MALRD1: variants seen among roughly 807,000 people sequenced by gnomAD.
MALRD1 encodes the protein MAM and LDL receptor class A domain containing 1.
MALRD1 carries 247 observed loss-of-function variants against 242.1 expected under a neutral mutation model. That is an observed-to-expected ratio of 1.02 (90% confidence interval 0.92 to 1.13). MALRD1 has a LOEUF of 1.13. Among genes scored for constraint, MALRD1 ranks in the 50% most tolerant of loss-of-function variants. The probability of loss-of-function intolerance (pLI) is 0.00; values close to 1 mark genes in which losing one functional copy is unlikely to be tolerated. For synonymous variants in MALRD1, 995 were observed against 866.6 expected (o/e 1.15, Z -2.60); for missense variants, 2,989 against 2,533.1 (o/e 1.18, Z -3.86).
intron 2 of MALRD1, among the ~76,000 whole-genome samples, chr10:19,076,983 T>A (rs1306604545): frequency 6.6e-6 from 1 of 151,950 alleles, no homozygotes; most frequent in Non-Finnish European, 1.5e-5. Flanking sequence ...ATTGTATTTT[T>A]AAATTTTTAT....
intron 21 of MALRD1, among the ~76,000 whole-genome samples, chr10:19,298,695 A>G (rs1478227595): frequency 6.7e-6 from 1 of 149,092 alleles, no homozygotes; most frequent in African/African-American, 2.5e-5. Flanking sequence ...GCGGAGAGGT[A>G]CTCAGCACCT....
chr10:19,567,691 T>A lies in MALRD1; in HGVS notation c.5668T>A (p.Cys1890Ser), dbSNP rs757142139. The change falls in exon 33 of 40, where the codon TGT (cysteine) becomes AGT (serine). Residue 1890 changes from cysteine to serine, a missense_variant. Cys to Ser is a moderately radical substitution (Grantham distance 112, BLOSUM62 -1). Transcript: ENST00000454679. The stretch of plus-strand genomic sequence containing the variant: ...TGATGACATCTCTTTTACCCCAGAG[T>A]GTGTGACTGGAGGTAAGTGATTCTT... ...ALDDISFTPE[C>S]VTGGPVPVQP... is the part of the protein sequence containing the mutation. 57 of 1,550,160 alleles carry A rather than the reference T, an allele frequency of 3.7e-5. 1 individual carries two copies. In the South Asian group the frequency reaches 6.8e-4, roughly 18 times the overall value.
intron 24 of MALRD1, among the ~76,000 whole-genome samples, chr10:19,333,931 C>G (rs916672982): frequency 1.3e-5 from 2 of 151,408 alleles, no homozygotes; most frequent in African/African-American, 4.9e-5. Flanking sequence ...TGTTTGTTGC[C>G]CCTTGTTTGT....
intron 28 of MALRD1, among the ~76,000 whole-genome samples, chr10:19,433,104 A>G (rs546062893): frequency 1.4e-3 from 215 of 152,274 alleles, no homozygotes; most frequent in African/African-American, 5.0e-3. Context: ...GCCTATCATT[A>G]TATTATTTTT....
chr10:19,397,522 A>G (rs910159578), intron 28 of MALRD1, among the ~76,000 whole-genome samples: 1 of 152,092 alleles, frequency 6.6e-6, no homozygotes, highest in Admixed American at 6.6e-5. Context: ...TATCTTGGCT[A>G]TTGTGAATAG....
chr10:19,645,761 G>A (rs1840627655), intron 36 of MALRD1, among the ~76,000 whole-genome samples: 1 of 152,080 alleles, frequency 6.6e-6, no homozygotes, highest in Non-Finnish European at 1.5e-5. Flanking sequence ...ATAGCATTTG[G>A]AGATATACCT....
intron 26 of MALRD1, among the ~76,000 whole-genome samples, chr10:19,371,597 G>A (rs2130749026): frequency 6.6e-6 from 1 of 151,806 alleles, no homozygotes; most frequent in South Asian, 2.1e-4. Context: ...AACCCTACTT[G>A]GTCAGAATCT....
intron 18 of MALRD1, among the ~76,000 whole-genome samples, chr10:19,245,390 T>C (rs568003440): frequency 6.6e-6 from 1 of 152,262 alleles, no homozygotes; most frequent in Non-Finnish European, 1.5e-5. Flanking sequence ...AGGGAAAACA[T>C]AGCAAAAATT....
At chr10:19,121,169 T>A (rs1041851591) in intron 5 of MALRD1, among the ~76,000 whole-genome samples, 2 of 151,180 alleles carry the variant, frequency 1.3e-5, no homozygotes, top group Non-Finnish European at 2.9e-5. Context: ...TCAGATTTCC[T>A]GGCTGGGATT....
intron 28 of MALRD1, among the ~76,000 whole-genome samples, chr10:19,423,010 T>C (rs1346972119): frequency 6.6e-6 from 1 of 152,188 alleles, no homozygotes; most frequent in Non-Finnish European, 1.5e-5. Flanking sequence ...CTTGCAGTGC[T>C]CACCATAGAT....
At chr10:19,513,371 C>G (rs555180701) in intron 31 of MALRD1, among the ~76,000 whole-genome samples, 112 of 152,086 alleles carry the variant, frequency 7.4e-4, no homozygotes, top group African/African-American at 2.7e-3. Flanking sequence ...AGAAGCCAAG[C>G]AGATACTGGT....
chr10:19,276,717 G>A (rs974943005), intron 19 of MALRD1, among the ~76,000 whole-genome samples: 2 of 152,008 alleles, frequency 1.3e-5, no homozygotes, highest in Non-Finnish European at 2.9e-5. Context: ...TCTATGGAAG[G>A]TAATAACTTT....
intron 36 of MALRD1, among the ~76,000 whole-genome samples, chr10:19,651,382 C>G (rs1414952968): frequency 1.3e-5 from 2 of 151,968 alleles, no homozygotes; most frequent in African/African-American, 4.8e-5. Flanking sequence ...AACTATGTGT[C>G]TTTAGAAAAC....
intron 18 of MALRD1, among the ~76,000 whole-genome samples, chr10:19,232,769 C>T (rs566363427): frequency 3.3e-5 from 5 of 152,146 alleles, no homozygotes; most frequent in African/African-American, 9.6e-5. Context: ...AGATGAATTT[C>T]GGTGAATACA....
chr10:19,701,600 A>G (rs528586858), intron 38 of MALRD1, among the ~76,000 whole-genome samples: 29 of 152,216 alleles, frequency 1.9e-4, no homozygotes, highest in African/African-American at 7.0e-4. Context: ...AAAAGATGAG[A>G]TTTGAGACAA....
intron 36 of MALRD1, among the ~76,000 whole-genome samples, chr10:19,646,622 A>G (rs117445469): frequency 0.01 from 1,567 of 151,596 alleles, 24 homozygotes; most frequent in Middle Eastern, 0.031. Context: ...AAAAAAAATA[A>G]TAAGTTTAAA....
At chr10:19,099,279 C>T (rs908343553) in intron 4 of MALRD1, among the ~76,000 whole-genome samples, 7 of 152,108 alleles carry the variant, frequency 4.6e-5, no homozygotes, top group Non-Finnish European at 7.3e-5. Context: ...AGAAGGGAAG[C>T]CTTGCCAAGG....
chr10:19,707,229 C>CT (rs1833908119), intron 38 of MALRD1, among the ~76,000 whole-genome samples: 1 of 151,308 alleles, frequency 6.6e-6, no homozygotes, highest in Non-Finnish European at 1.5e-5. Flanking sequence ...TCTTCTCCTT[C>CT]TCCTCCTTCT....
chr10:19,674,859 C>CT (rs879665994), intron 36 of MALRD1, among the ~76,000 whole-genome samples: 52 of 148,232 alleles, frequency 3.5e-4, no homozygotes, highest in South Asian at 1.1e-3. Context: ...TTTCTTCTTC[C>CT]TTTTTTTTTT....
Sources: gnomAD v4.1 joint callset for allele counts (sites outside exome capture counted in the v4.1 genomes callset) on GRCh38, gnomAD v4.1.1 for gene constraint, MANE v1.5 for transcripts, NCBI Gene and HGNC (gene_info 2026-07-23, HGNC 2026-07-21) for gene names.